Variants in ERBB4 observed in about 807,000 individuals in gnomAD.
ERBB4 encodes receptor tyrosine-protein kinase erbB-4.
In ERBB4, 42 loss-of-function variants were observed where a neutral mutation model predicts 158.0. The observed-to-expected ratio is 0.27, with a 90% CI of 0.21 to 0.34. The LOEUF (loss-of-function observed/expected upper bound fraction) is 0.34. Among genes scored for constraint, ERBB4 ranks in the 10% least tolerant of loss-of-function variants. The probability of loss-of-function intolerance (pLI) is 1.00; values close to 1 mark genes in which losing one functional copy is unlikely to be tolerated. For synonymous variants in ERBB4, 583 were observed against 558.7 expected (o/e 1.04, Z -0.61); for missense variants, 1,333 against 1,624.1 (o/e 0.82, Z 3.08).
rs546596874 is a variant in ERBB4, at chr2:211,547,268, C to G, written c.2487+14635G>C. Among the ~76,000 whole-genome samples the G allele has an allele frequency of 3.3e-5, 5 of 152,078 alleles. No individual in the cohort carries two copies. In the East Asian group the frequency reaches 5.8e-4, roughly 18 times the overall value. ...AATAAAAAGCTGTATTTTTAAAGAGCTATCTGGAGAAAAAAAATTGGTTGT... is the reference window on the plus strand; with the variant it reads ...AATAAAAAGCTGTATTTTTAAAGAGGTATCTGGAGAAAAAAAATTGGTTGT... On this transcript the variant is annotated intron_variant, in intron 20 of 27. Coordinates refer to ENST00000342788, the MANE Select transcript of ERBB4 (RefSeq NM_005235.3).
intron 1 of ERBB4, among the ~76,000 whole-genome samples, chr2:212,317,870 A>G (rs2087364569): frequency 6.6e-6 from 1 of 151,636 alleles, no homozygotes; most frequent in African/African-American, 2.4e-5. Context: ...CTATGGAAAA[A>G]GAAGTTTAAC....
At chr2:212,442,759 G>C (rs910278582) in intron 1 of ERBB4, among the ~76,000 whole-genome samples, 1 of 152,086 alleles carries the variant, frequency 6.6e-6, no homozygotes, top group African/African-American at 2.4e-5. Flanking sequence ...CATTATGGTG[G>C]GAAAGGCCAA....
chr2:212,412,668 A>G (rs1330269285), intron 1 of ERBB4, among the ~76,000 whole-genome samples: 2 of 152,162 alleles, frequency 1.3e-5, no homozygotes, highest in South Asian at 4.1e-4. Flanking sequence ...TTGGTTTGTT[A>G]TTTCAAGTCA....
chr2:212,174,227 A>C (rs901071428), intron 1 of ERBB4, among the ~76,000 whole-genome samples: 1 of 152,066 alleles, frequency 6.6e-6, no homozygotes, highest in African/African-American at 2.4e-5. Flanking sequence ...TACTCTCTAC[A>C]TTTATGATTT....
At chr2:212,496,177 TGTTTAAAACATTTTA>T (rs58410367) in intron 1 of ERBB4, among the ~76,000 whole-genome samples, 6,794 of 151,972 alleles carry the variant, frequency 0.045, 520 homozygotes, top group African/African-American at 0.15. Context: ...CATTTTAGGA[TGTTTAAAACATTTTA>T]GGATGAAAAA....
intron 2 of ERBB4, among the ~76,000 whole-genome samples, chr2:211,978,363 A>AGTCT (rs36173850): frequency 0.12 from 16,066 of 134,502 alleles, 1,136 homozygotes; most frequent in Middle Eastern, 0.17. Context: ...AAGGAGTCTG[A>AGTCT]GTCTGTCTGT....
rs141431281 is a variant in ERBB4, at chr2:211,637,970, T to C, written c.1947-7376A>G. Among the ~76,000 whole-genome samples, 1,239 of 152,120 alleles carry C rather than the reference T, an allele frequency of 8.1e-3. 17 individuals carry two copies. The highest frequency in any genetic ancestry group is 0.028 in the African/African-American group (1,165 of 41,550). On this transcript the variant is annotated intron_variant, in intron 16 of 27. Transcript: ENST00000342788. ...ACATAAATTTATTTAGGGGTTTTCA[T>C]AGAACTTTTATATTTAGTTATATCT...
chr2:212,508,607 A>C (rs1220661509), intron 1 of ERBB4, among the ~76,000 whole-genome samples: 1 of 149,364 alleles, frequency 6.7e-6, no homozygotes, highest in African/African-American at 2.5e-5. Flanking sequence ...AATTAGAGAG[A>C]GAACACAAGC....
chr2:212,465,370 G>A (rs1232886383), intron 1 of ERBB4, among the ~76,000 whole-genome samples: 2 of 152,070 alleles, frequency 1.3e-5, no homozygotes, highest in Non-Finnish European at 2.9e-5. Context: ...AAATGAAAGG[G>A]AAAGCGAACA....
chr2:211,651,372 G>A (rs578079625), intron 16 of ERBB4, among the ~76,000 whole-genome samples: 9 of 152,150 alleles, frequency 5.9e-5, no homozygotes, highest in East Asian at 1.9e-4. Flanking sequence ...TGGCACCGTC[G>A]GAAATATTAT....
chr2:211,988,888 C>A (rs1028549095), intron 2 of ERBB4, among the ~76,000 whole-genome samples: 1 of 151,988 alleles, frequency 6.6e-6, no homozygotes. Context: ...TGTGCTCCTA[C>A]GATCATGCAT....
intron 1 of ERBB4, among the ~76,000 whole-genome samples, chr2:212,449,949 T>A (rs143111723): frequency 1.4e-4 from 22 of 152,288 alleles, no homozygotes; most frequent in African/African-American, 4.6e-4. Flanking sequence ...TTTTCTCCCA[T>A]TCAAGGCATT....
intron 1 of ERBB4, among the ~76,000 whole-genome samples, chr2:212,358,081 C>A (rs2089533672): frequency 6.6e-6 from 1 of 151,834 alleles, no homozygotes; most frequent in Non-Finnish European, 1.5e-5. Context: ...ATTTGCTTGA[C>A]AGGGAAAATA....
intron 3 of ERBB4, among the ~76,000 whole-genome samples, chr2:211,924,045 A>T (rs1559110862): frequency 6.6e-6 from 1 of 152,160 alleles, no homozygotes; most frequent in East Asian, 1.9e-4. Flanking sequence ...TAAATTGAAT[A>T]TTGTTCCAAT....
intron 2 of ERBB4, among the ~76,000 whole-genome samples, chr2:212,107,792 A>G (rs142000117): frequency 1.3e-5 from 2 of 152,276 alleles, no homozygotes; most frequent in Non-Finnish European, 2.9e-5. Flanking sequence ...GTGATAGTGA[A>G]TAAGTCTCAA....
chr2:211,807,683 G>A (rs954355471), intron 3 of ERBB4, among the ~76,000 whole-genome samples: 9 of 152,078 alleles, frequency 5.9e-5, no homozygotes, highest in Admixed American at 6.5e-5. Flanking sequence ...TGGGTCAAAT[G>A]GTATTTCTAT....
At chr2:212,284,964 A>C (rs1431917825) in intron 1 of ERBB4, among the ~76,000 whole-genome samples, 1 of 152,094 alleles carries the variant, frequency 6.6e-6, no homozygotes, top group Non-Finnish European at 1.5e-5. Flanking sequence ...CAGCCCTTCA[A>C]ATGGCAAGTA....
At chr2:212,044,689 G>T (rs2077216836) in intron 2 of ERBB4, among the ~76,000 whole-genome samples, 1 of 152,076 alleles carries the variant, frequency 6.6e-6, no homozygotes, top group Non-Finnish European at 1.5e-5. Flanking sequence ...AGGATGCAAT[G>T]CTTATTGTTG....
chr2:211,982,816 T>C (rs890143462), intron 2 of ERBB4, among the ~76,000 whole-genome samples: 5 of 152,204 alleles, frequency 3.3e-5, no homozygotes, highest in Non-Finnish European at 7.4e-5. Context: ...AGTAATAATA[T>C]TAGTCATATA....
Sources: allele counts gnomAD v4.1 joint callset (sites outside exome capture counted in the v4.1 genomes callset), GRCh38; gene constraint gnomAD v4.1.1; transcripts MANE v1.5; gene names NCBI Gene and HGNC (gene_info 2026-07-23, HGNC 2026-07-21).